XCR1: variants seen among roughly 807,000 people sequenced by gnomAD.
The protein encoded by XCR1 is X-C motif chemokine receptor 1, also known as chemokine XC receptor 1.
For missense variants in XCR1, 356 were observed against 424.2 expected, an observed-to-expected ratio of 0.84 and a Z score of 1.41; for synonymous variants, 187 against 188.5, an observed-to-expected ratio of 0.99 and a Z score of 0.06.
chr3:46,030,986 C>A (rs1367426415), upstream of XCR1, among the ~76,000 whole-genome samples: 6 of 152,242 alleles, frequency 3.9e-5, no homozygotes, highest in Non-Finnish European at 7.3e-5. Flanking sequence ...AGGGCCACCA[C>A]GCCACCTGCA....
At chr3:46,049,613 G>T (rs994033027) in intron 5 of XCR1, among the ~76,000 whole-genome samples, 2 of 144,656 alleles carry the variant, frequency 1.4e-5, no homozygotes, top group Non-Finnish European at 2.9e-5. Flanking sequence ...GAAGCTGTGA[G>T]CTCTAACACC....
intron 1 of XCR1, among the ~76,000 whole-genome samples, chr3:46,083,547 A>AT (rs138681956): frequency 0.03 from 4,620 of 151,694 alleles, 232 homozygotes; most frequent in African/African-American, 0.1. Flanking sequence ...AGCTCCATGC[A>AT]TTTTTTTTTC....
Position 46,023,321 on chromosome 3 carries a change from A to G in XCR1, c.-31-1343T>C, listed in dbSNP as rs958931634. 2.5e-5 allele frequency: 26 copies of G among 1,056,574 alleles called. No individual in the cohort carries two copies. The African/African-American group carries it at 3.8e-4, about 15-fold the overall frequency. The allele number at this position is 1,056,574 out of a possible 1,614,324, so 65.4% of individuals were successfully genotyped here. On this transcript the variant is annotated intron_variant, in intron 1 of 1. Transcript: ENST00000309285. ...ATGGAAGTAATGGAAGGACCCCTCA[A>G]CCTGGCTCATCAGCAGAGCAGACGA...
chr3:46,075,529 G>T (rs1698243683), intron 2 of XCR1, among the ~76,000 whole-genome samples: 1 of 151,942 alleles, frequency 6.6e-6, no homozygotes, highest in Non-Finnish European at 1.5e-5. Context: ...ATAAAAGAAA[G>T]AATAGATAAA....
intron 5 of XCR1, among the ~76,000 whole-genome samples, chr3:46,041,646 A>T (rs1697538369): frequency 6.6e-6 from 1 of 152,206 alleles, no homozygotes; most frequent in Non-Finnish European, 1.5e-5. Context: ...TCGCATAGAC[A>T]GTTGTTTTTG....
At chr3:46,042,449 G>T (rs4683162) in intron 5 of XCR1, among the ~76,000 whole-genome samples, 36,019 of 151,968 alleles carry the variant, frequency 0.24, 6,066 homozygotes, top group African/African-American at 0.47. Context: ...GAGATATATA[G>T]AGAGAGAACT....
rs1472092374 is a variant in XCR1, at chr3:46,018,453, TGAAAGATTAGGCCAACTA to T, written c.*2475_*2492del. 6.6e-6 allele frequency: 1 copy of T among 151,968 alleles called. No individual in the cohort carries two copies. Among genetic ancestry groups the T allele is most frequent in the African/African-American group, 2.4e-5 (1 of 41,202 alleles). 9.4% of individuals were successfully genotyped at this position (151,968 alleles called of 1,614,324 possible). ...TTAAGAATCAGTGTGAAACTGTGTT[TGAAAGATTAGGCCAACTA>T]GAAGCCCATAGGCTTAGCTCTGATA... is the stretch of plus-strand genomic sequence containing the variant. On this transcript the variant is annotated 3_prime_UTR_variant, in exon 2 of 2. Transcript: ENST00000309285.
intron 1 of XCR1, among the ~76,000 whole-genome samples, chr3:46,082,852 T>C (rs1275099122): frequency 6.6e-6 from 1 of 152,162 alleles, no homozygotes; most frequent in East Asian, 1.9e-4. Context: ...AATTCTCTGA[T>C]CAGAATCCCA....
intron 1 of XCR1, among the ~76,000 whole-genome samples, chr3:46,082,897 G>T (rs1293592649): frequency 6.6e-6 from 1 of 152,154 alleles, no homozygotes; most frequent in African/African-American, 2.4e-5. Flanking sequence ...CTGAAGAGAT[G>T]CTGGGTTTGC....
intron 1 of XCR1, among the ~76,000 whole-genome samples, chr3:46,081,399 T>A (rs1304889058): frequency 6.6e-6 from 1 of 152,216 alleles, no homozygotes; most frequent in Non-Finnish European, 1.5e-5. Context: ...CGTGACTAGA[T>A]GAAGGAACTT....
intron 5 of XCR1, among the ~76,000 whole-genome samples, chr3:46,051,967 AG>A (rs1362952860): frequency 6.6e-6 from 1 of 152,196 alleles, no homozygotes; most frequent in Non-Finnish European, 1.5e-5. Context: ...CGGAGCTTGC[AG>A]TGAGACAAGA....
At chr3:46,071,503 G>A (rs1371959839) in intron 3 of XCR1, among the ~76,000 whole-genome samples, 1 of 151,938 alleles carries the variant, frequency 6.6e-6, no homozygotes, top group Non-Finnish European at 1.5e-5. Context: ...AAGGATACAA[G>A]AAGAAAAGAA....
chr3:46,043,557 C>T (rs942097990), intron 5 of XCR1, among the ~76,000 whole-genome samples: 3 of 151,882 alleles, frequency 2.0e-5, no homozygotes, highest in Admixed American at 6.6e-5. Flanking sequence ...AGATTGAAAA[C>T]GTTTGCCCTA....
In XCR1 at chr3:46,027,417, C is replaced by T. The variant is rs1345689656; in HGVS notation, c.-32G>A. 1 of 152,210 alleles carries T rather than the reference C, an allele frequency of 6.6e-6. No homozygotes were observed. The highest frequency in any genetic ancestry group is 1.5e-5 in the Non-Finnish European group (1 of 68,038). 9.4% of individuals were successfully genotyped at this position (152,210 alleles called of 1,614,324 possible). A position where few individuals can be genotyped will look rare whatever the true frequency, so the allele number is the denominator to read the frequency against. The stretch of plus-strand genomic sequence containing the variant: ...TTAAAATGTTTGTAAAGGAACTCAC[C>T]TGAATCTACACCTCTTTACATGCGT... On this transcript the variant is annotated splice_region_variant and 5_prime_UTR_variant, in exon 1 of 2. Coordinates refer to ENST00000309285, the MANE Select transcript of XCR1 (RefSeq NM_001024644.2).
chr3:46,082,808 G>A lies in XCR1; in HGVS notation c.-515+2986C>T, dbSNP rs527734735. ...CCTGGCCTAGGTTTCTGTTTTTGCC[G>A]TCCCTGATAAATTTGACTGTAGCAT... is the stretch of plus-strand genomic sequence containing the variant. On this transcript the variant is annotated intron_variant, in intron 1 of 5. Transcript: ENST00000683768. 1.6e-4 allele frequency among the ~76,000 whole-genome samples: 24 copies of A among 152,172 alleles called. No homozygotes were observed. The East Asian group carries it at 3.9e-3, about 24-fold the overall frequency.
At chr3:46,022,091 G>A (rs997613662) in intron 1 of XCR1, 113 bp from the exon 2 acceptor site, 1 of 949,934 alleles carries the variant, frequency 1.1e-6, no homozygotes, top group African/African-American at 1.7e-5. Context: ...CTTGACCCCA[G>A]GAGTTTGAGA....
chr3:46,023,676 G>A, intron 1 of XCR1: 1 of 1,455,228 alleles, frequency 6.9e-7, no homozygotes. Context: ...AGAAACGCCT[G>A]CTTGAGATTC....
rs917804480 is a variant in XCR1, at chr3:46,018,686, A to G, written c.*2260T>C. ...GGCCCTGGCTCTTCCCTAGACCGAT[A>G]AACTCCTCCAGATCTACTGCCCCAT... On this transcript the variant is annotated 3_prime_UTR_variant, in exon 2 of 2. Transcript: ENST00000309285. 10 of 152,146 alleles carry G rather than the reference A, an allele frequency of 6.6e-5. No homozygotes were observed. The highest frequency in any genetic ancestry group is 1.3e-4 in the Non-Finnish European group (9 of 68,030). 9.4% of individuals were successfully genotyped at this position (152,146 alleles called of 1,614,324 possible).
intron 4 of XCR1, among the ~76,000 whole-genome samples, chr3:46,057,042 T>C (rs983544635): frequency 6.6e-6 from 1 of 152,174 alleles, no homozygotes; most frequent in African/African-American, 2.4e-5. Flanking sequence ...AACAGATTCA[T>C]CATCACCCTA....
Sources: allele counts gnomAD v4.1 joint callset (sites outside exome capture counted in the v4.1 genomes callset), GRCh38; gene constraint gnomAD v4.1.1; transcripts MANE v1.5; gene names NCBI Gene and HGNC (gene_info 2026-07-23, HGNC 2026-07-21).